Variants in MNAT1 observed in about 807,000 individuals in gnomAD.
The protein encoded by MNAT1 is CDK-activating kinase assembly factor MAT1.
Under a neutral mutation model 42.0 loss-of-function variants are expected in MNAT1, and 43 were observed. The ratio of observed to expected loss-of-function variants is 1.02; its 90% CI spans 0.80 to 1.32. MNAT1 has a LOEUF of 1.32. MNAT1 is among the 40% of genes most tolerant of loss of function. MNAT1 has a pLI of 0.00. For missense variants in MNAT1, 306 were observed against 350.4 expected, an observed-to-expected ratio of 0.87 and a Z score of 1.01; for synonymous variants, 118 against 120.0, an observed-to-expected ratio of 0.98 and a Z score of 0.11.
At position 60,901,142 on chromosome 14, in the gene MNAT1, A is replaced by G. The variant is rs559792879; in HGVS notation, c.809+21307A>G. On this transcript the variant is annotated intron_variant, in intron 7 of 7. Coordinates refer to ENST00000261245, the MANE Select transcript of MNAT1 (RefSeq NM_002431.4). Reference sequence around the variant, plus strand: ...AAATTGAAGCCGATATTTATTTGCCATTTTGAAAATTGTAGGGCCCCTAAA... The same window carrying G: ...AAATTGAAGCCGATATTTATTTGCCGTTTTGAAAATTGTAGGGCCCCTAAA... 4.6e-5 allele frequency among the ~76,000 whole-genome samples: 7 copies of G among 151,206 alleles called. No individual in the cohort carries two copies. In the East Asian group the frequency reaches 1.4e-3, roughly 29 times the overall value.
intron 6 of MNAT1, among the ~76,000 whole-genome samples, chr14:60,855,941 C>T (rs953638126): frequency 2.6e-5 from 4 of 152,194 alleles, no homozygotes; most frequent in African/African-American, 9.7e-5. Context: ...TCTCATCTCT[C>T]TCCTTCTCCT....
intron 6 of MNAT1, among the ~76,000 whole-genome samples, chr14:60,831,706 C>G (rs1208837081): frequency 6.6e-6 from 1 of 152,092 alleles, no homozygotes; most frequent in Non-Finnish European, 1.5e-5. Context: ...AATGGGATTG[C>G]TGGGTCAAAT....
At chr14:60,898,748 G>A (rs994803754) in intron 7 of MNAT1, among the ~76,000 whole-genome samples, 4 of 152,064 alleles carry the variant, frequency 2.6e-5, no homozygotes, top group African/African-American at 9.7e-5. Flanking sequence ...CTGTGCAGAA[G>A]TTTTTAGTTT....
chr14:60,821,851 T>C (rs974143793), intron 6 of MNAT1, among the ~76,000 whole-genome samples: 1 of 152,244 alleles, frequency 6.6e-6, no homozygotes, highest in African/African-American at 2.4e-5. Context: ...CAAAAAATTT[T>C]TTTGAATAAA....
intron 6 of MNAT1, among the ~76,000 whole-genome samples, chr14:60,858,073 C>G (rs1248669831): frequency 6.6e-6 from 1 of 152,112 alleles, no homozygotes; most frequent in East Asian, 1.9e-4. Flanking sequence ...GATTTATAAT[C>G]CTTTTGGTAT....
At chr14:60,856,132 G>C (rs2033954128) in intron 6 of MNAT1, among the ~76,000 whole-genome samples, 1 of 152,216 alleles carries the variant, frequency 6.6e-6, no homozygotes, top group African/African-American at 2.4e-5. Context: ...CCAAAAGCTA[G>C]TCTTCTTGTG....
chr14:60,737,384 C>CATAT (rs1037115019), intron 1 of MNAT1, among the ~76,000 whole-genome samples: 2 of 151,664 alleles, frequency 1.3e-5, no homozygotes, highest in Non-Finnish European at 2.9e-5. Flanking sequence ...ATAGCATAAA[C>CATAT]ATATATATAT....
chr14:60,896,904 ATTG>A (rs2139497645), intron 7 of MNAT1, among the ~76,000 whole-genome samples: 1 of 152,312 alleles, frequency 6.6e-6, no homozygotes, highest in African/African-American at 2.4e-5. Context: ...AGATAACTTT[ATTG>A]TTATTATTTT....
At chr14:60,905,774 G>T (rs2035184784) in intron 7 of MNAT1, among the ~76,000 whole-genome samples, 1 of 152,128 alleles carries the variant, frequency 6.6e-6, no homozygotes, top group South Asian at 2.1e-4. Context: ...TTTTTGCTGT[G>T]TTCAGGCCCT....
intron 6 of MNAT1, among the ~76,000 whole-genome samples, chr14:60,855,294 C>A (rs1448502010): frequency 1.3e-5 from 2 of 151,784 alleles, no homozygotes; most frequent in Non-Finnish European, 2.9e-5. Flanking sequence ...GGCTCTCTGG[C>A]TTCAGCCCCC....
intron 6 of MNAT1, among the ~76,000 whole-genome samples, chr14:60,827,085 GATGTCAAAAGATAATTGTTTTT>G (rs1455569109): frequency 2.0e-5 from 3 of 152,218 alleles, no homozygotes; most frequent in East Asian, 1.9e-4. Context: ...ATAACCTATG[GATGTCAAAAGATAATTGTTTTT>G]ATGTCAAAAG....
chr14:60,904,204 G>C (rs2035142104), intron 7 of MNAT1, among the ~76,000 whole-genome samples: 1 of 152,066 alleles, frequency 6.6e-6, no homozygotes, highest in African/African-American at 2.4e-5. Flanking sequence ...AGAAAGTCTT[G>C]GGGCATCAGA....
chr14:60,778,147 A>G (rs927436889), intron 1 of MNAT1, among the ~76,000 whole-genome samples: 1 of 152,174 alleles, frequency 6.6e-6, no homozygotes, highest in Non-Finnish European at 1.5e-5. Flanking sequence ...TTTGGCTGCA[A>G]ACCTATGAAG....
chr14:60,762,104 A>G (rs1277575259), intron 1 of MNAT1, among the ~76,000 whole-genome samples: 2 of 151,960 alleles, frequency 1.3e-5, no homozygotes, highest in African/African-American at 2.4e-5. Flanking sequence ...TTCTTTTCCT[A>G]TTACATCAAT....
At chr14:60,937,287 A>G (rs958805931) in intron 7 of MNAT1, among the ~76,000 whole-genome samples, 1 of 152,220 alleles carries the variant, frequency 6.6e-6, no homozygotes, top group East Asian at 1.9e-4. Context: ...TGTTTTAAAC[A>G]TGAAGTCCTT....
rs529030748 is a variant in MNAT1 at position 60,761,744 on chromosome 14, A to G, written c.89+26793A>G. ...GTAAGACTATGTGCCAAACATATTC[A>G]TAGTTACAGAATGATCTTATCTTTT... is the stretch of plus-strand genomic sequence containing the variant. On this transcript the variant is annotated intron_variant, in intron 1 of 7. Transcript: ENST00000261245. 2.0e-5 allele frequency among the ~76,000 whole-genome samples: 3 copies of G among 152,318 alleles called. No individual in the cohort carries two copies. The East Asian group carries it at 5.8e-4, about 29-fold the overall frequency.
intron 3 of MNAT1, among the ~76,000 whole-genome samples, chr14:60,801,806 C>T (rs2032210304): frequency 6.6e-6 from 1 of 152,084 alleles, no homozygotes; most frequent in Non-Finnish European, 1.5e-5. Flanking sequence ...CCATATGATC[C>T]AGTAATCCCA....
chr14:60,751,401 C>T (rs960659516), intron 1 of MNAT1, among the ~76,000 whole-genome samples: 9 of 151,784 alleles, frequency 5.9e-5, no homozygotes, highest in East Asian at 5.8e-4. Flanking sequence ...TGCTAGCTTA[C>T]GATAAAAAGC....
intron 6 of MNAT1, among the ~76,000 whole-genome samples, chr14:60,869,040 A>ATATATATATATATATATT (rs1465360826): frequency 3.6e-4 from 41 of 113,022 alleles, no homozygotes; most frequent in South Asian, 1.1e-3. Context: ...ATATATATAT[A>ATATATATATATATATATT]TTTTTTTTTT....
Sources: allele counts gnomAD v4.1 joint callset (sites outside exome capture counted in the v4.1 genomes callset), GRCh38; gene constraint gnomAD v4.1.1; transcripts MANE v1.5; gene names NCBI Gene and HGNC (gene_info 2026-07-23, HGNC 2026-07-21).